The following SIMC1 variants were observed in gnomAD, a reference collection of about 807,000 sequenced individuals.
SIMC1 encodes SUMO-interacting motif-containing protein 1.
In SIMC1, 55 loss-of-function variants were observed where a neutral mutation model predicts 82.3. The ratio of observed to expected loss-of-function variants is 0.67; its 90% CI spans 0.54 to 0.84. The LOEUF (loss-of-function observed/expected upper bound fraction) is 0.84. SIMC1 is among the 40% of genes least tolerant of loss of function. The pLI is 0.00. For synonymous variants in SIMC1, 353 were observed against 426.3 expected (o/e 0.83, Z 2.12); for missense variants, 915 against 1,107.2 (o/e 0.83, Z 2.46).
At chr5:176,327,737 C>T (rs1482620798) in intron 7 of SIMC1, among the ~76,000 whole-genome samples, 3 of 152,064 alleles carry the variant, frequency 2.0e-5, no homozygotes, top group Admixed American at 6.6e-5. Flanking sequence ...TTCATAGGTG[C>T]CCTTTGTCAG....
chr5:176,289,839 C>G lies in SIMC1; in HGVS notation c.315C>G (p.Gly105=), dbSNP rs1339548051. 6.2e-7 allele frequency: 1 copy of G among 1,613,842 alleles called. No homozygotes were observed. The highest frequency in any genetic ancestry group is 8.5e-7 in the Non-Finnish European group (1 of 1,179,884). Reference sequence around the variant, plus strand: ...TTCAGACATGTGCCAGCCTCTCTGGCAAAGCGGTGATGGAAGGGCACGTGG... The same window carrying G: ...TTCAGACATGTGCCAGCCTCTCTGGGAAAGCGGTGATGGAAGGGCACGTGG... ...TSLQTCASLS[G]KAVMEGHVDR... is the part of the protein sequence containing the mutation. Residue 105 remains glycine (G), a synonymous_variant, in exon 2 of 10, where the codon GGC becomes GGG. Coordinates refer to ENST00000429602, the MANE Select transcript of SIMC1 (RefSeq NM_001308195.2).
rs1036098611 is a variant in SIMC1, at chr5:176,277,000, C to T, written c.130-12654C>T. On this transcript the variant is annotated intron_variant, in intron 1 of 9. Coordinates refer to ENST00000429602, the MANE Select transcript of SIMC1 (RefSeq NM_001308195.2). ...GCTGGGTCAAATGGTATTTCCAGTT[C>T]CAGATCCCTGAGGAATCGCCACACT... 1.3e-4 allele frequency among the ~76,000 whole-genome samples: 19 copies of T among 150,850 alleles called. 1 individual carries two copies. The highest frequency in any genetic ancestry group is 1.1e-3 in the Admixed American group (17 of 15,172).
At chr5:176,276,216 A>G (rs1417526109) in intron 1 of SIMC1, among the ~76,000 whole-genome samples, 2 of 151,506 alleles carry the variant, frequency 1.3e-5, no homozygotes, top group Middle Eastern at 3.2e-3. Context: ...TGTATTTTTC[A>G]AGGAATTTAT....
intron 1 of SIMC1, among the ~76,000 whole-genome samples, chr5:176,241,944 T>G (rs1268775658): frequency 2.0e-5 from 3 of 152,092 alleles, no homozygotes; most frequent in Non-Finnish European, 2.9e-5. Flanking sequence ...TCATGACTTT[T>G]CTCTGTTTCT....
chr5:176,305,612 C>T (rs866310767), intron 4 of SIMC1, among the ~76,000 whole-genome samples: 1 of 143,502 alleles, frequency 7.0e-6, no homozygotes. Context: ...GCCAACCCCC[C>T]CGTCTGGGAG....
chr5:176,269,926 ATT>A (rs1175916569), intron 1 of SIMC1, among the ~76,000 whole-genome samples: 3 of 145,734 alleles, frequency 2.1e-5, no homozygotes, highest in Non-Finnish European at 4.5e-5. Context: ...ATTTTATTTT[ATT>A]TTTTTTTTTG....
chr5:176,343,502 AT>A (rs1766242404), intron 9 of SIMC1, among the ~76,000 whole-genome samples: 1 of 152,090 alleles, frequency 6.6e-6, no homozygotes, highest in South Asian at 2.1e-4. Flanking sequence ...TTGTTTTCCT[AT>A]TTTCATTTTT....
intron 1 of SIMC1, among the ~76,000 whole-genome samples, chr5:176,268,909 C>T (rs1762313976): frequency 6.6e-6 from 1 of 152,162 alleles, no homozygotes; most frequent in Non-Finnish European, 1.5e-5. Flanking sequence ...CCAGGGTAGG[C>T]TGTGTGTTAG....
intron 7 of SIMC1, among the ~76,000 whole-genome samples, chr5:176,334,762 T>C (rs1765812381): frequency 6.6e-6 from 1 of 152,076 alleles, no homozygotes; most frequent in Admixed American, 6.6e-5. Flanking sequence ...AAATCTGGAG[T>C]ACATGAAGTT....
At chr5:176,298,573 C>CA (rs1266477423) in intron 4 of SIMC1, among the ~76,000 whole-genome samples, 2 of 152,106 alleles carry the variant, frequency 1.3e-5, no homozygotes, top group Non-Finnish European at 2.9e-5. Context: ...TGCAGTGAGC[C>CA]AAAATCATGC....
chr5:176,280,880 A>T (rs1318725947), intron 1 of SIMC1, among the ~76,000 whole-genome samples: 1 of 151,982 alleles, frequency 6.6e-6, no homozygotes, highest in Non-Finnish European at 1.5e-5. Flanking sequence ...CCTTCATTTC[A>T]ACTTTGGTGA....
chr5:176,297,518 A>C (rs1451385571), intron 4 of SIMC1, among the ~76,000 whole-genome samples: 11 of 151,738 alleles, frequency 7.2e-5, no homozygotes, highest in East Asian at 5.8e-4. Context: ...AAAAAAAAAA[A>C]AAAAAAAAAC....
At chr5:176,296,855 G>A (rs1431175413) in intron 4 of SIMC1, among the ~76,000 whole-genome samples, 1 of 152,150 alleles carries the variant, frequency 6.6e-6, no homozygotes, top group African/African-American at 2.4e-5. Flanking sequence ...AATGAATAGA[G>A]AAAGTTATAA....
chr5:176,323,278 C>T (rs769771975), intron 6 of SIMC1, among the ~76,000 whole-genome samples: 18 of 152,180 alleles, frequency 1.2e-4, no homozygotes, highest in East Asian at 1.9e-4. Context: ...TTCTCCCACA[C>T]GGGCCACATA....
chr5:176,322,477 G>C, intron 6 of SIMC1, 52 bp downstream of exon 6: 1 of 1,558,412 alleles, frequency 6.4e-7, no homozygotes, highest in Non-Finnish European at 8.7e-7. Flanking sequence ...TAGTGTTTTA[G>C]AGAGAACAAC....
chr5:176,261,996 C>T (rs557672629), intron 1 of SIMC1, among the ~76,000 whole-genome samples: 4 of 151,770 alleles, frequency 2.6e-5, no homozygotes, highest in South Asian at 2.1e-4. Flanking sequence ...TACACTAATA[C>T]CAAAGCAAGA....
Position 176,313,861 on chromosome 5 carries a change from A to C in SIMC1, c.1889+16A>C, listed in dbSNP as rs780198530. 14 of 1,612,928 alleles carry C rather than the reference A, an allele frequency of 8.7e-6. No homozygotes were observed. Among genetic ancestry groups the C allele is most frequent in the Non-Finnish European group, 1.2e-5 (14 of 1,179,802 alleles). On this transcript the variant is annotated intron_variant, in intron 5 of 9. Coordinates refer to ENST00000429602, the MANE Select transcript of SIMC1 (RefSeq NM_001308195.2). ...ACAATGTCAGGTAAGCAGCCACCTG[A>C]GCCCTCGGATGAGAAGAGGTAAGGG...
intron 1 of SIMC1, among the ~76,000 whole-genome samples, chr5:176,272,094 C>T (rs1762462436): frequency 7.0e-6 from 1 of 143,300 alleles, no homozygotes. Flanking sequence ...GGTCATCCCA[C>T]CACTTTGGGA....
intron 1 of SIMC1, among the ~76,000 whole-genome samples, chr5:176,268,905 T>C (rs988469850): frequency 6.6e-6 from 1 of 152,160 alleles, no homozygotes; most frequent in Non-Finnish European, 1.5e-5. Context: ...TTCACCAGGG[T>C]AGGCTGTGTG....
Sources: gnomAD v4.1 joint callset for allele counts (sites outside exome capture counted in the v4.1 genomes callset) on GRCh38, gnomAD v4.1.1 for gene constraint, MANE v1.5 for transcripts, NCBI Gene and HGNC (gene_info 2026-07-23, HGNC 2026-07-21) for gene names.